Variants in RFTN2 observed in about 807,000 individuals in gnomAD.
RFTN2 encodes raftlin family member 2, also known as raftlin-2.
RFTN2 carries 34 observed loss-of-function variants against 52.7 expected under a neutral mutation model. The observed-to-expected ratio is 0.64, with a 90% confidence interval of 0.49 to 0.86. RFTN2 has a LOEUF of 0.86. RFTN2 is among the 40% of genes least tolerant of loss of function. The probability of loss-of-function intolerance (pLI) is 0.00; values close to 1 mark genes in which losing one functional copy is unlikely to be tolerated. For missense variants in RFTN2, 536 were observed against 600.1 expected (o/e 0.89, Z 1.12); for synonymous variants, 203 against 217.7 (o/e 0.93, Z 0.59).
intron 8 of RFTN2, among the ~76,000 whole-genome samples, chr2:197,577,501 A>T (rs1193340871): frequency 6.6e-6 from 1 of 152,168 alleles, no homozygotes; most frequent in Admixed American, 6.5e-5. Flanking sequence ...AACCTGACAG[A>T]TTTACTCTCA....
chr2:197,665,673 C>T (rs1032081427), intron 1 of RFTN2, among the ~76,000 whole-genome samples: 1 of 151,976 alleles, frequency 6.6e-6, no homozygotes, highest in South Asian at 2.1e-4. Flanking sequence ...AGGTAAAGTG[C>T]ATTTCTTATA....
rs111764398 is a variant in RFTN2, at chr2:197,622,566, G to A, written c.929-4645C>T. 3.4e-4 allele frequency among the ~76,000 whole-genome samples: 51 copies of A among 152,216 alleles called. 2 individuals carry two copies. The highest frequency in any genetic ancestry group is 1.1e-3 in the African/African-American group (46 of 41,538). ...AATGATCCAACCTCCTCAGCCTCCC[G>A]AAGTGTTGGGATTACAGGCGTGAGC... On this transcript the variant is annotated intron_variant, in intron 5 of 8. Transcript: ENST00000295049.
chr2:197,641,890 A>G (rs931803513), intron 3 of RFTN2, among the ~76,000 whole-genome samples: 2 of 152,228 alleles, frequency 1.3e-5, no homozygotes, highest in Admixed American at 6.5e-5. Flanking sequence ...AATTGCTGAA[A>G]TAACAGTACT....
chr2:197,634,488 T>C (rs2088525582), intron 3 of RFTN2, among the ~76,000 whole-genome samples: 2 of 152,090 alleles, frequency 1.3e-5, no homozygotes, highest in African/African-American at 2.4e-5. Context: ...TCTTGACGAA[T>C]GTGTAGGTAT....
At chr2:197,639,962 A>G (rs995332165) in intron 3 of RFTN2, among the ~76,000 whole-genome samples, 28 of 151,982 alleles carry the variant, frequency 1.8e-4, no homozygotes, top group African/African-American at 6.5e-4. Flanking sequence ...TCTAACAGAC[A>G]GGACCCTCAG....
intron 8 of RFTN2, among the ~76,000 whole-genome samples, chr2:197,572,633 T>C (rs1182544256): frequency 6.6e-6 from 1 of 152,204 alleles, no homozygotes; most frequent in East Asian, 1.9e-4. Flanking sequence ...CTAATATGTT[T>C]TTCTTCTTAG....
At chr2:197,596,579 T>C (rs1008273992) in intron 7 of RFTN2, among the ~76,000 whole-genome samples, 2 of 152,246 alleles carry the variant, frequency 1.3e-5, no homozygotes, top group African/African-American at 4.8e-5. Context: ...ATAAGGTTGC[T>C]TCCAGTTTCT....
intron 7 of RFTN2, among the ~76,000 whole-genome samples, chr2:197,609,470 T>C (rs2088019263): frequency 6.6e-6 from 1 of 152,240 alleles, no homozygotes; most frequent in South Asian, 2.1e-4. Flanking sequence ...ACCCATTTTT[T>C]GATGGGGTTG....
chr2:197,595,275 AC>A (rs2087777760), intron 8 of RFTN2, among the ~76,000 whole-genome samples: 1 of 152,230 alleles, frequency 6.6e-6, no homozygotes, highest in South Asian at 2.1e-4. Context: ...AAGATTTAGA[AC>A]TGTAAGGGCA....
chr2:197,662,155 T>TCA (rs1237275634), intron 1 of RFTN2, among the ~76,000 whole-genome samples: 1 of 152,226 alleles, frequency 6.6e-6, no homozygotes, highest in Non-Finnish European at 1.5e-5. Context: ...TTTGTCTATT[T>TCA]TTATTTTAGG....
intron 8 of RFTN2, among the ~76,000 whole-genome samples, chr2:197,576,890 C>CA (rs2087428804): frequency 6.6e-6 from 1 of 152,096 alleles, no homozygotes; most frequent in African/African-American, 2.4e-5. Context: ...CTTGGGGCCC[C>CA]AAAATCACCA....
intron 5 of RFTN2, among the ~76,000 whole-genome samples, chr2:197,620,338 T>C (rs1374025837): frequency 6.6e-6 from 1 of 152,106 alleles, no homozygotes; most frequent in African/African-American, 2.4e-5. Flanking sequence ...ACAAACTGAT[T>C]TTATGGAAGT....
chr2:197,652,668 G>A (rs2088841413), intron 1 of RFTN2, among the ~76,000 whole-genome samples: 1 of 152,244 alleles, frequency 6.6e-6, no homozygotes, highest in Admixed American at 6.5e-5. Context: ...TAAAATAATA[G>A]TGTGTTTTAT....
intron 7 of RFTN2, among the ~76,000 whole-genome samples, chr2:197,613,933 A>G (rs1284041481): frequency 6.6e-6 from 1 of 152,234 alleles, no homozygotes; most frequent in East Asian, 1.9e-4. Flanking sequence ...ATCTTCCTAA[A>G]TGGAAATCTG....
At chr2:197,652,029 G>A (rs1349691007) in intron 1 of RFTN2, among the ~76,000 whole-genome samples, 2 of 152,178 alleles carry the variant, frequency 1.3e-5, no homozygotes, top group Admixed American at 1.3e-4. Flanking sequence ...TTGTGAAGGT[G>A]TGTCTTTATA....
chr2:197,647,424 G>A lies in RFTN2; in HGVS notation c.140-758C>T, dbSNP rs530678861. On this transcript the variant is annotated intron_variant, in intron 1 of 8. Transcript: ENST00000295049. ...GAGGTTTTGCCATGTTGCCCAGGCTGATCTCAAACTCCTGAGCTCAAGCAA... is the reference window on the plus strand; with the variant it reads ...GAGGTTTTGCCATGTTGCCCAGGCTAATCTCAAACTCCTGAGCTCAAGCAA... Among the ~76,000 whole-genome samples, 24 of 152,184 alleles carry A rather than the reference G, an allele frequency of 1.6e-4. No individual in the cohort carries two copies. In the South Asian group the frequency reaches 4.6e-3, roughly 29 times the overall value.
chr2:197,581,793 T>G (rs1224504565), intron 8 of RFTN2, among the ~76,000 whole-genome samples: 1 of 152,104 alleles, frequency 6.6e-6, no homozygotes, highest in Non-Finnish European at 1.5e-5. Context: ...AAACAACAAC[T>G]CCTTTCCTTC....
At chr2:197,634,627 A>T (rs2088529236) in intron 3 of RFTN2, among the ~76,000 whole-genome samples, 2 of 152,188 alleles carry the variant, frequency 1.3e-5, no homozygotes, top group South Asian at 2.1e-4. Context: ...AAAGAATAGG[A>T]TTCTGAAGCA....
At chr2:197,621,439 A>T in intron 5 of RFTN2, among the ~76,000 whole-genome samples, 2 of 141,542 alleles carry the variant, frequency 1.4e-5, no homozygotes. Context: ...GTTTGTGGCA[A>T]TCCTGCATTG....
Sources: allele counts gnomAD v4.1 joint callset (sites outside exome capture counted in the v4.1 genomes callset), GRCh38; gene constraint gnomAD v4.1.1; transcripts MANE v1.5; gene names NCBI Gene and HGNC (gene_info 2026-07-23, HGNC 2026-07-21).